Variants in TPCN1 observed in about 807,000 individuals in gnomAD.
The protein encoded by TPCN1 is two pore channel protein 1.
A neutral mutation model predicts 108.8 loss-of-function variants in TPCN1; 52 were observed. The ratio of observed to expected loss-of-function variants is 0.48; its 90% CI spans 0.38 to 0.60. The LOEUF (loss-of-function observed/expected upper bound fraction) is 0.60, where lower values mean the gene tolerates loss of function less well. Among genes scored for constraint, TPCN1 ranks in the 20% least tolerant of loss-of-function variants. TPCN1 has a pLI of 0.00. For synonymous variants in TPCN1, 446 were observed against 433.7 expected (o/e 1.03, Z -0.35); for missense variants, 806 against 1,072.8 (o/e 0.75, Z 3.47).
At position 113,260,354 on chromosome 12, in the gene TPCN1, C is replaced by A; in HGVS notation, c.113-14C>A. The A allele has an allele frequency of 6.7e-7, 1 of 1,487,114 alleles. No homozygotes were observed. Among genetic ancestry groups the A allele is most frequent in the Non-Finnish European group, 8.9e-7 (1 of 1,120,768 alleles). 92.1% of individuals were successfully genotyped at this position (1,487,114 alleles called of 1,614,324 possible). A position where few individuals can be genotyped will look rare whatever the true frequency, so the allele number is the denominator to read the frequency against. On this transcript the variant is annotated splice_polypyrimidine_tract_variant and intron_variant, in intron 2 of 27. Transcript: ENST00000335509. Reference sequence around the variant, plus strand: ...CCTGGGTGCCAAGTGAATCTCTCTCCTCTTCCAATGCAGATGGCGGCAGCT... The same window carrying A: ...CCTGGGTGCCAAGTGAATCTCTCTCATCTTCCAATGCAGATGGCGGCAGCT...
intron 1 of TPCN1, among the ~76,000 whole-genome samples, chr12:113,222,608 G>A (rs1953285253): frequency 6.6e-6 from 1 of 152,232 alleles, no homozygotes; most frequent in Admixed American, 6.5e-5. Context: ...AGGCAGGCAA[G>A]CAGTCATATA....
Position 113,288,085 on chromosome 12 carries a change from G to A in TPCN1, c.1635-78G>A. 1 of 1,408,652 alleles carries A rather than the reference G, an allele frequency of 7.1e-7. No individual in the cohort carries two copies. Among genetic ancestry groups the A allele is most frequent in the Admixed American group, 1.8e-5 (1 of 54,360 alleles). 87.3% of individuals were successfully genotyped at this position (1,408,652 alleles called of 1,614,324 possible). A position where few individuals can be genotyped will look rare whatever the true frequency, so the allele number is the denominator to read the frequency against. ...GTCTTCACCGCATGGCGTGTGGAAG[G>A]CGGGGCCGGCATGTTCTGAGGGCGG... On this transcript the variant is annotated intron_variant, in intron 19 of 27. Transcript: ENST00000335509. The surrounding 1 kb of genome is among the most constrained non-coding windows in gnomAD (Gnocchi z 4.8).
At chr12:113,265,436 C>A (rs773603117) in intron 3 of TPCN1, among the ~76,000 whole-genome samples, 2 of 152,158 alleles carry the variant, frequency 1.3e-5, no homozygotes, top group Non-Finnish European at 2.9e-5. Context: ...TCCCAGGCCC[C>A]TGAGCTCTTT....
Position 113,266,206 on chromosome 12 carries a change from C to T in TPCN1, c.264C>T (p.Phe88=), listed in dbSNP as rs1385839987. 1.2e-6 allele frequency: 2 copies of T among 1,614,052 alleles called. No individual in the cohort carries two copies. Among genetic ancestry groups the T allele is most frequent in the Non-Finnish European group, 1.7e-6 (2 of 1,180,026 alleles). Reference sequence around the variant, plus strand: ...AAGGCGAGAACAACGACAAGTTCTTCACCCACCCCAAGGATGCCAAGGCGC... The same window carrying T: ...AAGGCGAGAACAACGACAAGTTCTTTACCCACCCCAAGGATGCCAAGGCGC... ...LQEGENNDKF[F]THPKDAKALA... is the part of the protein sequence containing the mutation. Residue 88 remains phenylalanine, a synonymous_variant, in exon 4 of 28, where the codon TTC becomes TTT. Coordinates refer to ENST00000335509, the MANE Select transcript of TPCN1 (RefSeq NM_017901.6). The surrounding 1 kb of genome is among the most constrained non-coding windows in gnomAD (Gnocchi z 4.2).
chr12:113,283,633 TAAA>T (rs879333520), intron 15 of TPCN1, among the ~76,000 whole-genome samples: 1 of 145,794 alleles, frequency 6.9e-6, no homozygotes. Flanking sequence ...AACCCTGTCT[TAAA>T]AAAAAAAAAG....
intron 25 of TPCN1, chr12:113,292,654 T>G (rs1593217550): frequency 2.8e-6 from 1 of 358,804 alleles, no homozygotes; most frequent in Non-Finnish European, 5.1e-6. Flanking sequence ...CAGATCTCTG[T>G]GCTATCAGAC....
chr12:113,231,016 G>T lies in TPCN1; in HGVS notation c.112+4052G>T, dbSNP rs143354577. Among the ~76,000 whole-genome samples the T allele has an allele frequency of 4.7e-3, 709 of 152,354 alleles. 6 individuals carry two copies. Among genetic ancestry groups the T allele is most frequent in the African/African-American group, 0.016 (683 of 41,568 alleles). On this transcript the variant is annotated intron_variant, in intron 2 of 27. Coordinates refer to ENST00000335509, the MANE Select transcript of TPCN1 (RefSeq NM_017901.6). The surrounding 1 kb of genome is among the most constrained non-coding windows in gnomAD (Gnocchi z 4.3). ...TTGTCTTTGGTTGCTGTAAACCTTT[G>T]AAGTACTAAGGAGTTGGCAGAATGC... is the stretch of plus-strand genomic sequence containing the variant.
At chr12:113,280,714 C>A (rs1220938923) in intron 15 of TPCN1, among the ~76,000 whole-genome samples, 10 of 152,208 alleles carry the variant, frequency 6.6e-5, no homozygotes, top group Admixed American at 6.5e-4. Flanking sequence ...TAATGACTAC[C>A]AATTGGATTG....
At chr12:113,262,664 T>C (rs1955086596) in intron 3 of TPCN1, among the ~76,000 whole-genome samples, 1 of 152,156 alleles carries the variant, frequency 6.6e-6, no homozygotes, top group African/African-American at 2.4e-5. Flanking sequence ...GAACACAGAC[T>C]CAGAATGGTT....
chr12:113,228,745 G>C (rs973778891), intron 2 of TPCN1, among the ~76,000 whole-genome samples: 5 of 152,198 alleles, frequency 3.3e-5, no homozygotes, highest in African/African-American at 1.2e-4. Context: ...CTTGTCCAAG[G>C]TCACACAGCT....
rs576384186 is a variant in TPCN1 at position 113,284,912 on chromosome 12, C to T, written c.1453+141C>T. On this transcript the variant is annotated intron_variant, in intron 17 of 27. Coordinates refer to ENST00000335509, the MANE Select transcript of TPCN1 (RefSeq NM_017901.6). The surrounding 1 kb of genome is among the most constrained non-coding windows in gnomAD (Gnocchi z 4.1). ...AGTAATCAGTCTGATTCCATCTCGT[C>T]CCCGTTTAAAACTCTTTCGTGGTTG... 17 of 987,998 alleles carry T rather than the reference C, an allele frequency of 1.7e-5. No individual in the cohort carries two copies. The East Asian group carries it at 3.9e-4, about 23-fold the overall frequency. 61.2% of individuals were successfully genotyped at this position (987,998 alleles called of 1,614,324 possible). A position where few individuals can be genotyped will look rare whatever the true frequency, so the allele number is the denominator to read the frequency against.
intron 2 of TPCN1, among the ~76,000 whole-genome samples, chr12:113,238,732 C>T (rs1371760466): frequency 2.0e-5 from 3 of 152,180 alleles, no homozygotes; most frequent in Non-Finnish European, 2.9e-5. Context: ...GAGACCCACT[C>T]GCTCCCCAGC....
At chr12:113,274,960 A>G (rs886965071) in intron 10 of TPCN1, among the ~76,000 whole-genome samples, 6 of 152,188 alleles carry the variant, frequency 3.9e-5, no homozygotes, top group African/African-American at 1.4e-4. Context: ...GGAGAACGTA[A>G]AGCCTCTGTG....
At position 113,232,480 on chromosome 12, in the gene TPCN1, C is replaced by T. The variant is rs1333189447; in HGVS notation, c.112+5516C>T. On this transcript the variant is annotated intron_variant, in intron 2 of 27. Transcript: ENST00000335509. This position sits in a 1 kb window ranked among gnomAD's most constrained non-coding sequence, Gnocchi z 5.6. Reference sequence around the variant, plus strand: ...GCTGGCACCAGAGAAGAATACACCCCGAGGTGTGCGCTCCATCACTGATGT... The same window carrying T: ...GCTGGCACCAGAGAAGAATACACCCTGAGGTGTGCGCTCCATCACTGATGT... Among the ~76,000 whole-genome samples, 2 of 152,264 alleles carry T rather than the reference C, an allele frequency of 1.3e-5. No homozygotes were observed. The highest frequency in any genetic ancestry group is 2.4e-5 in the African/African-American group (1 of 41,476).
intron 2 of TPCN1, among the ~76,000 whole-genome samples, chr12:113,237,138 A>G (rs191448793): frequency 1.6e-4 from 24 of 152,308 alleles, no homozygotes; most frequent in Admixed American, 7.8e-4. Context: ...TCTCTAGCCA[A>G]CTTGATAAGC....
chr12:113,229,930 C>A (rs755478075), intron 2 of TPCN1, among the ~76,000 whole-genome samples: 22 of 152,198 alleles, frequency 1.4e-4, no homozygotes, highest in Non-Finnish European at 3.2e-4. Flanking sequence ...GTTCTAGTGC[C>A]TTCTTGCTTG....
In TPCN1 at chr12:113,262,590, T is replaced by A. The variant is rs1047783597; in HGVS notation, c.237+2098T>A. Among the ~76,000 whole-genome samples, 7 of 152,174 alleles carry A rather than the reference T, an allele frequency of 4.6e-5. No individual in the cohort carries two copies. The East Asian group carries it at 1.3e-3, about 29-fold the overall frequency. On this transcript the variant is annotated intron_variant, in intron 3 of 27. Transcript: ENST00000335509. ...CAAGCGCAGGCATACTTGTTAATGA[T>A]CTAGCAGGGACATCTTATGCACATC...
rs1203433983 is a variant in TPCN1 at position 113,288,886 on chromosome 12, C to T, written c.1796+39C>T. The T allele has an allele frequency of 1.9e-6, 3 of 1,604,364 alleles. No homozygotes were observed. Among genetic ancestry groups the T allele is most frequent in the South Asian group, 1.1e-5 (1 of 90,896 alleles). ...ACCCAGCCCCAGGCAGCCTGCATTT[C>T]CCGGGCAGAGGGCTGGCCAGGGCCA... On this transcript the variant is annotated intron_variant, in intron 21 of 27. Coordinates refer to ENST00000335509, the MANE Select transcript of TPCN1 (RefSeq NM_017901.6). The surrounding 1 kb of genome is among the most constrained non-coding windows in gnomAD (Gnocchi z 4.8).
rs914130997 is a variant in TPCN1, at chr12:113,231,059, G to A, written c.112+4095G>A. Among the ~76,000 whole-genome samples, 7 of 152,226 alleles carry A rather than the reference G, an allele frequency of 4.6e-5. No individual in the cohort carries two copies. The highest frequency in any genetic ancestry group is 1.9e-4 in the East Asian group (1 of 5,198). On this transcript the variant is annotated intron_variant, in intron 2 of 27. Transcript: ENST00000335509. The surrounding 1 kb of genome is among the most constrained non-coding windows in gnomAD (Gnocchi z 4.3). ...CAGAATGCAGATGCAGGCCATCCGC[G>A]GAGTTGGCAACGACATGAGCATGGG...
Sources: gnomAD v4.1 joint callset for allele counts (sites outside exome capture counted in the v4.1 genomes callset) on GRCh38, gnomAD v4.1.1 for gene constraint, Gnocchi (gnomAD v3.1) non-coding constraint, MANE v1.5 for transcripts, NCBI Gene and HGNC (gene_info 2026-07-23, HGNC 2026-07-21) for gene names.